OCIAD2: variants seen among roughly 807,000 people sequenced by gnomAD.
OCIAD2 encodes the protein OCIA domain-containing protein 2.
A neutral mutation model predicts 22.9 loss-of-function variants in OCIAD2; 29 were observed. The observed-to-expected ratio is 1.27, with a 90% CI of 0.94 to 1.73. The LOEUF (loss-of-function observed/expected upper bound fraction) is 1.73. Ranked by LOEUF, OCIAD2 falls within the 40% of genes most tolerant of loss-of-function variation. The pLI is 0.00. For synonymous variants in OCIAD2, 67 were observed against 60.2 expected, an observed-to-expected ratio of 1.11 and a Z score of -0.52; for missense variants, 189 against 180.3, an observed-to-expected ratio of 1.05 and a Z score of -0.28.
At chr4:48,887,144 G>A (rs1208184206) in intron 6 of OCIAD2, among the ~76,000 whole-genome samples, 7 of 152,168 alleles carry the variant, frequency 4.6e-5, no homozygotes, top group Non-Finnish European at 1.0e-4. Flanking sequence ...GTCTTCTTTT[G>A]AGAAGTGTCT....
chr4:48,894,900 A>G (rs1781268857), intron 4 of OCIAD2, among the ~76,000 whole-genome samples: 2 of 152,176 alleles, frequency 1.3e-5, no homozygotes, highest in African/African-American at 4.8e-5. Flanking sequence ...TTATGTCCCA[A>G]AAGGGGGATT....
chr4:48,889,130 G>T (rs1381538177), intron 6 of OCIAD2, among the ~76,000 whole-genome samples: 1 of 152,166 alleles, frequency 6.6e-6, no homozygotes, highest in East Asian at 1.9e-4. Context: ...TTGCATAGAG[G>T]TGTTTATAGT....
intron 6 of OCIAD2, 56 bp downstream of exon 6, chr4:48,892,716 T>C: frequency 1.1e-6 from 1 of 879,208 alleles, no homozygotes; most frequent in Non-Finnish European, 1.8e-6. Flanking sequence ...GTGAGTAATC[T>C]TTCATTTAAT....
rs571112030 is a variant in OCIAD2 at position 48,885,757 on chromosome 4, A to G, written c.384-192T>C. 7.2e-5 allele frequency among the ~76,000 whole-genome samples: 11 copies of G among 152,320 alleles called. No homozygotes were observed. The South Asian group carries it at 2.3e-3, about 32-fold the overall frequency. On this transcript the variant is annotated intron_variant, in intron 6 of 6. Coordinates refer to ENST00000508632, the MANE Select transcript of OCIAD2 (RefSeq NM_001014446.3). ...CACCCAACCCTCTTGAGTAGCTGAG[A>G]CTACAGGCATGAACCACTGCACCTG...
In OCIAD2 at chr4:48,891,282, C is replaced by G. The variant is rs56393041; in HGVS notation, c.383+1490G>C. Among the ~76,000 whole-genome samples, 475 of 152,278 alleles carry G rather than the reference C, an allele frequency of 3.1e-3. 1 individual carries two copies. The highest frequency in any genetic ancestry group is 0.011 in the African/African-American group (445 of 41,560). On this transcript the variant is annotated intron_variant, in intron 6 of 6. Coordinates refer to ENST00000508632, the MANE Select transcript of OCIAD2 (RefSeq NM_001014446.3). ...CCTATTCCTTAACCCTCCCCTCCAC[C>G]TCAACTGAGTTAAGTGCCCCACTCT... is the stretch of plus-strand genomic sequence containing the variant.
intron 4 of OCIAD2, among the ~76,000 whole-genome samples, chr4:48,895,419 C>A (rs761505661): frequency 2.0e-5 from 3 of 152,196 alleles, no homozygotes; most frequent in Non-Finnish European, 2.9e-5. Flanking sequence ...GTTCACTTGG[C>A]TCACAGTTCT....
In OCIAD2 at chr4:48,885,375, C is replaced by T. The variant is rs572118167; in HGVS notation, c.*109G>A. ...GGAATACATTTCAGTGAGTGACAGA[C>T]ACAATGTTTTTGTTCCATTAGAAGT... On this transcript the variant is annotated 3_prime_UTR_variant, in exon 7 of 7. Transcript: ENST00000508632. The T allele has an allele frequency of 2.5e-5, 18 of 730,340 alleles. No homozygotes were observed. The African/African-American group carries it at 3.0e-4, about 12-fold the overall frequency. The allele number at this position is 730,340 out of a possible 1,614,324, so 45.2% of individuals were successfully genotyped here.
At chr4:48,898,896 A>G (rs528035830) in intron 3 of OCIAD2, among the ~76,000 whole-genome samples, 2 of 152,292 alleles carry the variant, frequency 1.3e-5, no homozygotes, top group African/African-American at 4.8e-5. Flanking sequence ...AGACAAATCA[A>G]ATAGCAACCA....
At chr4:48,895,651 T>C (rs1781286684) in intron 4 of OCIAD2, among the ~76,000 whole-genome samples, 1 of 152,176 alleles carries the variant, frequency 6.6e-6, no homozygotes, top group Admixed American at 6.6e-5. Context: ...GGCAGTTAAA[T>C]TTCACCCTGA....
intron 6 of OCIAD2, among the ~76,000 whole-genome samples, chr4:48,889,755 G>T (rs1292415665): frequency 2.6e-5 from 4 of 152,056 alleles, no homozygotes; most frequent in Non-Finnish European, 4.4e-5. Context: ...CCCATTACTG[G>T]GTATATACCC....
Position 48,904,265 on chromosome 4 carries a change from A to G in OCIAD2, c.66+219T>C, listed in dbSNP as rs188242449. On this transcript the variant is annotated intron_variant, in intron 2 of 6. Coordinates refer to ENST00000508632, the MANE Select transcript of OCIAD2 (RefSeq NM_001014446.3). ...CCAGGTGTTTGAGACCAGCTTGGGC[A>G]ATATAGTGAGACCTCATGTCTAACC... 1.4e-4 allele frequency among the ~76,000 whole-genome samples: 22 copies of G among 152,244 alleles called. No individual in the cohort carries two copies. In the East Asian group the frequency reaches 4.1e-3, roughly 28 times the overall value.
chr4:48,901,406 C>T (rs1044347138), intron 2 of OCIAD2, among the ~76,000 whole-genome samples: 1 of 152,094 alleles, frequency 6.6e-6, no homozygotes, highest in African/African-American at 2.4e-5. Context: ...CACTCCTACC[C>T]GCAGGGCCTG....
intron 2 of OCIAD2, among the ~76,000 whole-genome samples, chr4:48,903,704 G>C (rs898600210): frequency 1.3e-5 from 2 of 148,398 alleles, no homozygotes; most frequent in Admixed American, 6.8e-5. Context: ...GGAGTGCAGC[G>C]GCCTGATCTC....
chr4:48,893,572 A>T (rs146365160), intron 5 of OCIAD2: 3 of 152,854 alleles, frequency 2.0e-5, no homozygotes, highest in Admixed American at 2.0e-4. Context: ...GAAGAAAATA[A>T]AAATCCATAA....
chr4:48,885,683 A>G, intron 6 of OCIAD2, 118 bp from the exon 7 acceptor site: 1 of 633,276 alleles, frequency 1.6e-6, no homozygotes, highest in East Asian at 2.9e-5. Flanking sequence ...ATGTGGGGGG[A>G]GTCTATCTAT....
intron 2 of OCIAD2, 75 bp from the exon 3 acceptor site, chr4:48,900,000 C>G: frequency 1.9e-6 from 2 of 1,038,534 alleles, no homozygotes; most frequent in Non-Finnish European, 3.0e-6. Context: ...CAGAAGAGAA[C>G]AGGGAGGTCT....
chr4:48,885,259 G>A lies in OCIAD2; in HGVS notation c.*225C>T. ...CTGCCTCGGCCTCCCAAAGTACTGG[G>A]ATTACAGGCATGAGCCACTGCGCCA... On this transcript the variant is annotated 3_prime_UTR_variant, in exon 7 of 7. Transcript: ENST00000508632. 2.1e-6 allele frequency: 1 copy of A among 473,416 alleles called. No individual in the cohort carries two copies. Among genetic ancestry groups the A allele is most frequent in the Admixed American group, 3.7e-5 (1 of 27,264 alleles). The allele number at this position is 473,416 out of a possible 1,614,324, so 29.3% of individuals were successfully genotyped here.
chr4:48,888,845 G>C (rs1317814016), intron 6 of OCIAD2, among the ~76,000 whole-genome samples: 1 of 152,112 alleles, frequency 6.6e-6, no homozygotes, highest in Non-Finnish European at 1.5e-5. Flanking sequence ...GATGATGTTG[G>C]CCTCATAAAA....
intron 2 of OCIAD2, among the ~76,000 whole-genome samples, chr4:48,901,951 G>C (rs1034252976): frequency 3.3e-5 from 5 of 151,998 alleles, no homozygotes; most frequent in South Asian, 2.1e-4. Flanking sequence ...GGAGGCGTGG[G>C]GGGGGCGTTC....
Sources: gnomAD v4.1 joint callset for allele counts (sites outside exome capture counted in the v4.1 genomes callset) on GRCh38, gnomAD v4.1.1 for gene constraint, MANE v1.5 for transcripts, NCBI Gene and HGNC (gene_info 2026-07-23, HGNC 2026-07-21) for gene names.